The following TTC39B variants were observed in gnomAD, a reference collection of about 807,000 sequenced individuals.
TTC39B encodes the protein tetratricopeptide repeat domain 39B, also known as tetratricopeptide repeat protein 39B.
Under a neutral mutation model 96.6 loss-of-function variants are expected in TTC39B, and 92 were observed. The observed-to-expected ratio is 0.95, with a 90% CI of 0.80 to 1.13. TTC39B has a LOEUF of 1.13. TTC39B is among the 50% of genes most tolerant of loss of function. TTC39B has a pLI of 0.00. For missense variants in TTC39B, 955 were observed against 809.3 expected (o/e 1.18, Z -2.18); for synonymous variants, 367 against 299.4 (o/e 1.23, Z -2.33).
intron 1 of TTC39B, among the ~76,000 whole-genome samples, chr9:15,290,828 G>A (rs1406549305): frequency 2.6e-5 from 4 of 151,808 alleles, no homozygotes; most frequent in East Asian, 1.9e-4. Context: ...CCTCAAAATC[G>A]TCTTTGGAAA....
chr9:15,237,684 G>C (rs1821849983), intron 2 of TTC39B, among the ~76,000 whole-genome samples: 1 of 146,550 alleles, frequency 6.8e-6, no homozygotes, highest in Non-Finnish European at 1.5e-5. Flanking sequence ...CTCAGGACCA[G>C]ATGCATTCAC....
intron 8 of TTC39B, among the ~76,000 whole-genome samples, chr9:15,194,339 T>C (rs144164836): frequency 2.4e-4 from 37 of 152,318 alleles, no homozygotes; most frequent in African/African-American, 8.4e-4. Context: ...TTCTATAAAA[T>C]GAACAATTTT....
intron 1 of TTC39B, among the ~76,000 whole-genome samples, chr9:15,276,855 A>C (rs539631382): frequency 6.6e-6 from 1 of 152,294 alleles, no homozygotes; most frequent in South Asian, 2.1e-4. Flanking sequence ...TCCGACTTAA[A>C]ACAGGCTCAA....
At chr9:15,170,190 A>AATCCGACTTGAGT (rs56135671) in exon 20 of TTC39B, 5 of 8,092 alleles carry the variant, frequency 6.2e-4, no homozygotes, top group Admixed American at 4.3e-3. Flanking sequence ...CGCCATTGAT[A>AATCCGACTTGAGT]TCTATCTTTC....
chr9:15,267,229 G>A (rs545520154), intron 2 of TTC39B, among the ~76,000 whole-genome samples: 1 of 152,190 alleles, frequency 6.6e-6, no homozygotes, highest in Non-Finnish European at 1.5e-5. Flanking sequence ...CTCCAAAATT[G>A]TGAGAAAATA....
rs1588850824 is a variant in TTC39B at position 15,182,304 on chromosome 9, T to C, written c.1723+3A>G. 2.5e-6 allele frequency: 4 copies of C among 1,600,956 alleles called. No individual in the cohort carries two copies. The highest frequency in any genetic ancestry group is 3.4e-6 in the Non-Finnish European group (4 of 1,171,488). ...CTCCTCGGTGCTTACTGTGTATACTTACTTTGACTTTGTAAAGCTGCCTCA... is the reference window on the plus strand; with the variant it reads ...CTCCTCGGTGCTTACTGTGTATACTCACTTTGACTTTGTAAAGCTGCCTCA... On this transcript the variant is annotated splice_donor_region_variant and intron_variant, in intron 17 of 19. Coordinates refer to ENST00000512701, the Ensembl canonical transcript of TTC39B.
chr9:15,266,690 T>C (rs1056911501), intron 2 of TTC39B, among the ~76,000 whole-genome samples: 9 of 152,034 alleles, frequency 5.9e-5, no homozygotes, highest in Non-Finnish European at 1.3e-4. Flanking sequence ...AAACCCCCAA[T>C]GTGATGGAAT....
intron 19 of TTC39B, 146 bp downstream of exon 19, chr9:15,174,873 T>C: frequency 3.1e-6 from 2 of 652,574 alleles, no homozygotes; most frequent in South Asian, 3.8e-5. Flanking sequence ...GCCATGAGCA[T>C]AAATCAACCA....
intron 2 of TTC39B, chr9:15,249,192 A>T (rs1476957130): frequency 6.6e-6 from 1 of 152,192 alleles, no homozygotes; most frequent in African/African-American, 2.4e-5. Flanking sequence ...GGAAATTCCA[A>T]AGGGGGAAAA....
exon 20 of TTC39B, chr9:15,169,098 AGAACTGGTTATTGATTT>A (rs1817581675): frequency 6.6e-6 from 1 of 152,316 alleles, no homozygotes; most frequent in African/African-American, 2.4e-5. Flanking sequence ...CCTTTGCAGA[AGAACTGGTTATTGATTT>A]TAGACTGTTG....
intron 7 of TTC39B, among the ~76,000 whole-genome samples, chr9:15,201,193 T>G (rs994473409): frequency 6.6e-6 from 1 of 151,900 alleles, no homozygotes. Context: ...AATTAAGGAA[T>G]CTTATGATTA....
chr9:15,241,095 A>G (rs1822018434), intron 2 of TTC39B, among the ~76,000 whole-genome samples: 1 of 152,200 alleles, frequency 6.6e-6, no homozygotes, highest in South Asian at 2.1e-4. Context: ...GCAGATGAGA[A>G]AAATGTAGCA....
chr9:15,306,173 A>G lies in TTC39B; in HGVS notation c.240+911T>C, dbSNP rs1232686104. Among the ~76,000 whole-genome samples the G allele has an allele frequency of 6.6e-6, 1 of 152,238 alleles. No individual in the cohort carries two copies. Among genetic ancestry groups the G allele is most frequent in the Non-Finnish European group, 1.5e-5 (1 of 68,034 alleles). On this transcript the variant is annotated intron_variant, in intron 1 of 19. Coordinates refer to ENST00000512701, the Ensembl canonical transcript of TTC39B. This position sits in a 1 kb window ranked among gnomAD's most constrained non-coding sequence, Gnocchi z 5.1. ...GGCAGCGACTCGCACAATTCAAGTCAGGTAAGATGGCAGGAACAGCAGCTG... is the reference window on the plus strand; with the variant it reads ...GGCAGCGACTCGCACAATTCAAGTCGGGTAAGATGGCAGGAACAGCAGCTG...
intron 2 of TTC39B, among the ~76,000 whole-genome samples, chr9:15,251,250 A>G (rs1285233340): frequency 6.6e-6 from 1 of 152,062 alleles, no homozygotes; most frequent in Non-Finnish European, 1.5e-5. Flanking sequence ...AAATTATAAA[A>G]TAGTAAATTC....
At chr9:15,233,840 C>G (rs1335195744) in intron 2 of TTC39B, among the ~76,000 whole-genome samples, 3 of 151,566 alleles carry the variant, frequency 2.0e-5, no homozygotes, top group Non-Finnish European at 4.4e-5. Context: ...TGAGGAGCCC[C>G]TCTGCCTGGC....
At chr9:15,294,717 A>T (rs1181024168) in intron 1 of TTC39B, among the ~76,000 whole-genome samples, 10 of 152,156 alleles carry the variant, frequency 6.6e-5, no homozygotes, top group African/African-American at 2.4e-4. Context: ...GAGGTGACTT[A>T]TTTATCCTAC....
intron 2 of TTC39B, among the ~76,000 whole-genome samples, chr9:15,235,043 A>AAAT (rs542968089): frequency 1.5e-4 from 20 of 137,370 alleles, no homozygotes; most frequent in African/African-American, 3.1e-4. Flanking sequence ...ATAAATAAAT[A>AAAT]AAACAAAAAC....
Position 15,192,769 on chromosome 9 carries a change from C to G in TTC39B, c.825-74G>C, listed in dbSNP as rs995204348. 8 of 988,832 alleles carry G rather than the reference C, an allele frequency of 8.1e-6. No individual in the cohort carries two copies. In the African/African-American group the frequency reaches 9.8e-5, roughly 12 times the overall value. The allele number at this position is 988,832 out of a possible 1,614,324, so 61.3% of individuals were successfully genotyped here. A position where few individuals can be genotyped will look rare whatever the true frequency, so the allele number is the denominator to read the frequency against. On this transcript the variant is annotated intron_variant, in intron 8 of 19. Transcript: ENST00000512701. ...AATAAATATTAAATCAAATTTTACA[C>G]TTATGTGCTATAAAATAAATGTCAT...
At chr9:15,283,159 GAAAT>G (rs1161709096) in intron 1 of TTC39B, among the ~76,000 whole-genome samples, 1 of 152,064 alleles carries the variant, frequency 6.6e-6, no homozygotes, top group Non-Finnish European at 1.5e-5. Context: ...AATCAATAAA[GAAAT>G]AAATGAATGA....
Sources: gnomAD v4.1 joint callset for allele counts (sites outside exome capture counted in the v4.1 genomes callset) on GRCh38, gnomAD v4.1.1 for gene constraint, Gnocchi (gnomAD v3.1) non-coding constraint, MANE v1.5 for transcripts, NCBI Gene and HGNC (gene_info 2026-07-23, HGNC 2026-07-21) for gene names.